Variants in PARVG observed in about 807,000 individuals in gnomAD.
PARVG encodes the protein gamma-parvin.
PARVG carries 36 observed loss-of-function variants against 44.4 expected under a neutral mutation model. That is an observed-to-expected ratio of 0.81 (90% confidence interval 0.62 to 1.07). PARVG has a LOEUF of 1.07. Among genes scored for constraint, PARVG ranks in the 50% least tolerant of loss-of-function variants. PARVG has a pLI of 0.00. For missense variants in PARVG, 407 were observed against 407.4 expected (o/e 1.00, Z 0.01); for synonymous variants, 170 against 174.1 (o/e 0.98, Z 0.19).
At chr22:44,189,832 G>A (rs1253709372) in intron 6 of PARVG, among the ~76,000 whole-genome samples, 3 of 152,146 alleles carry the variant, frequency 2.0e-5, no homozygotes, top group East Asian at 1.9e-4. Context: ...CAGGAGAATC[G>A]CTTGAACCTG....
In PARVG at chr22:44,182,177, A is replaced by G. The variant is rs2054391567; in HGVS notation, c.-13+260A>G. On this transcript the variant is annotated intron_variant, in intron 2 of 13. Transcript: ENST00000444313. The surrounding 1 kb of genome is among the most constrained non-coding windows in gnomAD (Gnocchi z 4.6). ...CAACCCCTCCGTCTCCAGGTGAAGA[A>G]ACTGAGGCCCTGGGGCCAGGAAGGG... is the stretch of plus-strand genomic sequence containing the variant. Among the ~76,000 whole-genome samples, 1 of 152,052 alleles carries G rather than the reference A, an allele frequency of 6.6e-6. No homozygotes were observed. Among genetic ancestry groups the G allele is most frequent in the Non-Finnish European group, 1.5e-5 (1 of 67,976 alleles).
chr22:44,198,949 T>C (rs200542981), intron 12 of PARVG, among the ~76,000 whole-genome samples: 35 of 30,722 alleles, frequency 1.1e-3, no homozygotes, highest in Admixed American at 2.1e-3. Context: ...CACCCACCCA[T>C]CCATCCATCC....
chr22:44,194,562 T>C (rs1456295727), intron 9 of PARVG, among the ~76,000 whole-genome samples: 1 of 148,794 alleles, frequency 6.7e-6, no homozygotes, highest in Non-Finnish European at 1.5e-5. Context: ...CACCCACCCA[T>C]CCATTTATCC....
At chr22:44,175,938 A>G (rs139108), upstream of PARVG, among the ~76,000 whole-genome samples, 97,840 of 151,646 alleles carry the variant, frequency 0.65, 32,394 homozygotes, top group African/African-American at 0.79. Flanking sequence ...CAGCCGGGAC[A>G]TGGTCACACC....
chr22:44,181,027 C>T lies in PARVG; in HGVS notation c.-347C>T, dbSNP rs2054367831. ...GCCTTTGCATACGCTGTTTTCTCCACCTGCCACGTTCTCACCCCTTCTTCT... is the reference window on the plus strand; with the variant it reads ...GCCTTTGCATACGCTGTTTTCTCCATCTGCCACGTTCTCACCCCTTCTTCT... On this transcript the variant is annotated 5_prime_UTR_variant, in exon 1 of 14. Coordinates refer to ENST00000444313, the MANE Select transcript of PARVG (RefSeq NM_022141.7). 3 of 966,688 alleles carry T rather than the reference C, an allele frequency of 3.1e-6. No homozygotes were observed. The highest frequency in any genetic ancestry group is 2.5e-6 in the Non-Finnish European group (2 of 813,068). The allele number at this position is 966,688 out of a possible 1,614,324, so 59.9% of individuals were successfully genotyped here. A position where few individuals can be genotyped will look rare whatever the true frequency, so the allele number is the denominator to read the frequency against.
chr22:44,176,255 C>A (rs968608692), upstream of PARVG, among the ~76,000 whole-genome samples: 4 of 152,182 alleles, frequency 2.6e-5, no homozygotes, highest in Non-Finnish European at 5.9e-5. Flanking sequence ...TTGCATATAA[C>A]CTACGCACAT....
In PARVG at chr22:44,182,040, C is replaced by A. The variant is rs1037421938; in HGVS notation, c.-13+123C>A. ...GCCCAGGCCACCCGGGGAAGGGAGT[C>A]GGTAAAGTGGGACCTTGAGTCCCCA... On this transcript the variant is annotated intron_variant, in intron 2 of 13. Coordinates refer to ENST00000444313, the MANE Select transcript of PARVG (RefSeq NM_022141.7). This position sits in a 1 kb window ranked among gnomAD's most constrained non-coding sequence, Gnocchi z 4.6. 2 of 811,530 alleles carry A rather than the reference C, an allele frequency of 2.5e-6. No homozygotes were observed. Among genetic ancestry groups the A allele is most frequent in the African/African-American group, 1.9e-5 (1 of 53,582 alleles). The allele number at this position is 811,530 out of a possible 1,614,324, so 50.3% of individuals were successfully genotyped here. A position where few individuals can be genotyped will look rare whatever the true frequency, so the allele number is the denominator to read the frequency against.
chr22:44,184,603 G>A (rs999015508), intron 3 of PARVG: 4 of 152,260 alleles, frequency 2.6e-5, no homozygotes, highest in Non-Finnish European at 4.4e-5. Context: ...CCTCCCAAAA[G>A]TGCTGGGATT....
Position 44,191,960 on chromosome 22 carries a change from G to GA in PARVG, c.505-88dup, listed in dbSNP as rs140641959. The GA allele has an allele frequency of 7.9e-5, 113 of 1,424,418 alleles. 1 individual carries two copies. In the East Asian group the frequency reaches 1.8e-3, roughly 23 times the overall value. The allele number at this position is 1,424,418 out of a possible 1,614,324, so 88.2% of individuals were successfully genotyped here. On this transcript the variant is annotated intron_variant, in intron 7 of 13. Transcript: ENST00000444313. ...TAAGCCAGAGGCTGTCCTGAGGAGG[G>GA]ATGATACAGAGCAAACGGATCACTG...
rs2054802827 is a variant in PARVG at position 44,208,044 on chromosome 22, G to A, written c.*1618G>A. On this transcript the variant is annotated 3_prime_UTR_variant, in exon 14 of 14. Coordinates refer to ENST00000444313, the MANE Select transcript of PARVG (RefSeq NM_022141.7). ...TGGAGCTTCTGGGGACACAGGCTCAGCCTCTCTCAGCTGGCTTCATCCCAA... is the reference window on the plus strand; with the variant it reads ...TGGAGCTTCTGGGGACACAGGCTCAACCTCTCTCAGCTGGCTTCATCCCAA... 1 of 152,226 alleles carries A rather than the reference G, an allele frequency of 6.6e-6. No individual in the cohort carries two copies. The highest frequency in any genetic ancestry group is 2.1e-4 in the South Asian group (1 of 4,822). The allele number at this position is 152,226 out of a possible 1,614,324, so 9.4% of individuals were successfully genotyped here.
At position 44,185,884 on chromosome 22, in the gene PARVG, T is replaced by A; in HGVS notation, c.144+12T>A. ...AAGAACTGCAGAAGGTACAGCAGCC[T>A]CCACAGCCCTGACTTCCCTGGGTGC... On this transcript the variant is annotated intron_variant, in intron 4 of 13. Coordinates refer to ENST00000444313, the MANE Select transcript of PARVG (RefSeq NM_022141.7). The A allele has an allele frequency of 6.2e-7, 1 of 1,611,192 alleles. No individual in the cohort carries two copies. Among genetic ancestry groups the A allele is most frequent in the Non-Finnish European group, 8.5e-7 (1 of 1,177,882 alleles).
At chr22:44,205,883 G>T in intron 13 of PARVG, 54 bp downstream of exon 13, 1 of 1,584,676 alleles carries the variant, frequency 6.3e-7, no homozygotes, top group African/African-American at 1.3e-5. Context: ...GCAGCCTTGT[G>T]CGAGAGCCAC....
intron 8 of PARVG, 70 bp downstream of exon 8, chr22:44,192,174 C>A: frequency 6.5e-7 from 1 of 1,541,058 alleles, no homozygotes; most frequent in Non-Finnish European, 8.9e-7. Flanking sequence ...GGGTGGGGGC[C>A]AGGGCAGATC....
chr22:44,190,022 C>T (rs545142308), intron 6 of PARVG, among the ~76,000 whole-genome samples: 1 of 152,288 alleles, frequency 6.6e-6, no homozygotes, highest in East Asian at 1.9e-4. Flanking sequence ...CTCCATATCC[C>T]CCCACCCCAC....
Position 44,197,477 on chromosome 22 carries a change from G to A in PARVG, c.711+1062G>A, listed in dbSNP as rs574846768. On this transcript the variant is annotated intron_variant, in intron 11 of 13. Coordinates refer to ENST00000444313, the MANE Select transcript of PARVG (RefSeq NM_022141.7). Reference sequence around the variant, plus strand: ...CTGGGATTTGAACCCAGGCAGCTGGGGCCAGAGTTAGTGCTTATAACCACC... The same window carrying A: ...CTGGGATTTGAACCCAGGCAGCTGGAGCCAGAGTTAGTGCTTATAACCACC... Among the ~76,000 whole-genome samples the A allele has an allele frequency of 2.0e-5, 3 of 152,274 alleles. No individual in the cohort carries two copies. The South Asian group carries it at 6.2e-4, about 32-fold the overall frequency.
upstream of PARVG, among the ~76,000 whole-genome samples, chr22:44,179,646 G>A (rs2054351093): frequency 6.6e-6 from 1 of 152,094 alleles, no homozygotes; most frequent in African/African-American, 2.4e-5. The surrounding 1 kb of genome is among the most constrained non-coding windows in gnomAD (Gnocchi z 4.2). Flanking sequence ...TTCTCTAACA[G>A]TTACTAGGTC....
chr22:44,205,639 G>A (rs1301714999), intron 12 of PARVG, 118 bp from the exon 13 acceptor site: 2 of 1,198,308 alleles, frequency 1.7e-6, no homozygotes, highest in African/African-American at 1.5e-5. Flanking sequence ...CACCTTGGAT[G>A]GGAGTTTAGG....
chr22:44,174,558 CA>C (rs202194271), intron 1 of PARVG, among the ~76,000 whole-genome samples: 6,314 of 146,222 alleles, frequency 0.043, 431 homozygotes, highest in African/African-American at 0.15. Context: ...AACAAACAAA[CA>C]AAAAAAAAAA....
At chr22:44,200,327 G>A (rs139157) in intron 12 of PARVG, among the ~76,000 whole-genome samples, 127,512 of 152,214 alleles carry the variant, frequency 0.84, 54,270 homozygotes, top group Middle Eastern at 0.93. Flanking sequence ...TGTGCTCTTC[G>A]CCACCAGCTC....
Sources: gnomAD v4.1 joint callset for allele counts (sites outside exome capture counted in the v4.1 genomes callset) on GRCh38, gnomAD v4.1.1 for gene constraint, Gnocchi (gnomAD v3.1) non-coding constraint, MANE v1.5 for transcripts, NCBI Gene and HGNC (gene_info 2026-07-23, HGNC 2026-07-21) for gene names.